The following CDK12 variants were observed in gnomAD, a reference collection of about 807,000 sequenced individuals.
CDK12 encodes cyclin dependent kinase 12, also known as cyclin-dependent kinase 12.
Under a neutral mutation model 133.8 loss-of-function variants are expected in CDK12, and 17 were observed. The ratio of observed to expected loss-of-function variants is 0.13; its 90% CI spans 0.09 to 0.19. The LOEUF (loss-of-function observed/expected upper bound fraction) is 0.19. Ranked by LOEUF, CDK12 falls within the 10% of genes least tolerant of loss-of-function variation. The pLI, the probability that CDK12 is intolerant of heterozygous loss-of-function variation, is 1.00. For synonymous variants in CDK12, 694 were observed against 683.6 expected, an observed-to-expected ratio of 1.02 and a Z score of -0.24; for missense variants, 1,508 against 1,818.7, an observed-to-expected ratio of 0.83 and a Z score of 3.11.
intron 2 of CDK12, among the ~76,000 whole-genome samples, chr17:39,553,200 C>T (rs2056023262): frequency 6.6e-6 from 1 of 152,102 alleles, no homozygotes; most frequent in Non-Finnish European, 1.5e-5. Context: ...GGATCTCTTT[C>T]CTCCTTCTCC....
upstream of CDK12, chr17:39,544,235 A>G: frequency 4.1e-6 from 2 of 483,882 alleles, no homozygotes; most frequent in South Asian, 1.5e-5. Context: ...GTAACCTGCC[A>G]TTTTCCTTTA....
downstream of CDK12, among the ~76,000 whole-genome samples, chr17:39,538,618 C>T (rs768638473): frequency 1.9e-4 from 29 of 152,060 alleles, no homozygotes; most frequent in Non-Finnish European, 3.4e-4. Flanking sequence ...ACCCCGGCTA[C>T]CTGGGAGCGG....
intron 1 of CDK12, among the ~76,000 whole-genome samples, chr17:39,467,133 C>G (rs1385798064): frequency 6.6e-6 from 1 of 152,046 alleles, no homozygotes; most frequent in East Asian, 1.9e-4. Context: ...CGCGCGTCAC[C>G]ATGCCCAGCT....
chr17:39,508,936 T>C (rs1567755103), intron 6 of CDK12, among the ~76,000 whole-genome samples: 1 of 145,700 alleles, frequency 6.9e-6, no homozygotes, highest in East Asian at 2.0e-4. Flanking sequence ...TCATCAAGGC[T>C]ACAGTGAGCC....
chr17:39,520,171 C>A (rs2146578260), intron 11 of CDK12, 84 bp downstream of exon 11: 1 of 1,400,410 alleles, frequency 7.1e-7, no homozygotes, highest in Non-Finnish European at 9.9e-7. Context: ...CCACAGATGC[C>A]CAGTAAGACC....
Position 39,501,343 on chromosome 17 carries a change from C to T in CDK12, c.2513C>T (p.Ser838Leu), listed in dbSNP as rs748453656. The change falls in exon 6 of 14, where the codon TCG (serine) becomes TTG (leucine). Residue 838 changes from serine to leucine, a missense_variant. This residue lies in a region of CDK12 where 21 missense variants were observed against 17.6 expected (regional missense o/e 1.19). Coordinates refer to ENST00000447079, the MANE Select transcript of CDK12 (RefSeq NM_016507.4). ...LVHFSEDHIK[S>L]FMKQLMEGLE... ...CACTTTTCTGAGGACCATATCAAGT[C>T]GTTCATGAAACAGCTAATGGAAGGA... 1.9e-6 allele frequency: 3 copies of T among 1,613,172 alleles called. No individual in the cohort carries two copies. Among genetic ancestry groups the T allele is most frequent in the Non-Finnish European group, 2.5e-6 (3 of 1,179,458 alleles).
chr17:39,462,842 C>T lies in CDK12; in HGVS notation c.771C>T (p.Ser257=), dbSNP rs2049046828. 1 of 1,614,162 alleles carries T rather than the reference C, an allele frequency of 6.2e-7. No individual in the cohort carries two copies. The highest frequency in any genetic ancestry group is 1.3e-5 in the African/African-American group (1 of 75,046). ...DLSPSRSHTS[S]NYDSYKKSPG... is the part of the protein sequence containing the mutation. ...GTCCCTCACGATCTCATACCTCGAG[C>T]AATTATGACTCCTACAAGAAAAGTC... The change falls in exon 1 of 14, where the codon AGC becomes AGT. Residue 257 remains serine (S), a synonymous_variant. Transcript: ENST00000447079.
intron 3 of CDK12, among the ~76,000 whole-genome samples, chr17:39,562,623 C>T (rs1384082041): frequency 2.6e-5 from 4 of 152,130 alleles, no homozygotes; most frequent in Non-Finnish European, 5.9e-5. Context: ...TAGTGCTAAA[C>T]TCATTTGCAC....
chr17:39,533,219 C>T lies in CDK12; in HGVS notation c.*1903C>T, dbSNP rs1271684588. On this transcript the variant is annotated 3_prime_UTR_variant, in exon 14 of 14. Transcript: ENST00000447079. ...TCTGGTTTTTGATCTGGCCTTGCCT[C>T]CAGGGCCAAACACTGATTTAGAAAG... 5 of 232,980 alleles carry T rather than the reference C, an allele frequency of 2.1e-5. No individual in the cohort carries two copies. The highest frequency in any genetic ancestry group is 1.1e-4 in the Admixed American group (2 of 17,766). 14.4% of individuals were successfully genotyped at this position (232,980 alleles called of 1,614,324 possible).
Position 39,492,814 on chromosome 17 carries a change from G to C in CDK12, c.2172G>C (p.Val724=). The change falls in exon 4 of 14, where the codon GTG becomes GTC. Residue 724 remains valine, a synonymous_variant. Transcript: ENST00000447079. Reference sequence around the variant, plus strand: ...AAAGCGACTGGGGGAAACGCTGTGTGGACAAGTTTGACATTATTGGGATTA... The same window carrying C: ...AAAGCGACTGGGGGAAACGCTGTGTCGACAAGTTTGACATTATTGGGATTA... ...QTESDWGKRC[V]DKFDIIGIIG... is the part of the protein sequence containing the mutation. 1.2e-6 allele frequency: 2 copies of C among 1,613,160 alleles called. No homozygotes were observed. Among genetic ancestry groups the C allele is most frequent in the Non-Finnish European group, 1.7e-6 (2 of 1,179,280 alleles).
intron 10 of CDK12, among the ~76,000 whole-genome samples, chr17:39,519,298 C>CTTTTTTTT (rs386386050): frequency 1.9e-5 from 1 of 53,976 alleles, no homozygotes; most frequent in African/African-American, 7.7e-5. Flanking sequence ...AATTCAAAGA[C>CTTTTTTTT]TTTTTTTTTT....
chr17:39,485,975 CAG>C (rs377441048), intron 2 of CDK12, among the ~76,000 whole-genome samples: 284 of 148,214 alleles, frequency 1.9e-3, no homozygotes, highest in African/African-American at 6.6e-3. Context: ...TTTTTTGAGA[CAG>C]AGTCTTGCTC....
At chr17:39,510,953 C>T (rs1345916716) in intron 7 of CDK12, among the ~76,000 whole-genome samples, 19 of 129,650 alleles carry the variant, frequency 1.5e-4, no homozygotes, top group Admixed American at 1.3e-3. Flanking sequence ...TGGTGGCTCA[C>T]GCCCGTAATC....
intron 6 of CDK12, among the ~76,000 whole-genome samples, chr17:39,505,685 G>T (rs997557707): frequency 1.3e-5 from 2 of 152,174 alleles, no homozygotes; most frequent in African/African-American, 4.8e-5. Context: ...GTTGAACAAC[G>T]CAGGTTTGAA....
At chr17:39,476,724 T>TCTTTTC (rs1567696921) in intron 2 of CDK12, among the ~76,000 whole-genome samples, 1 of 113,104 alleles carries the variant, frequency 8.8e-6, no homozygotes, top group African/African-American at 3.5e-5. Flanking sequence ...TTTTTTTTTT[T>TCTTTTC]TTTTTTTTTT....
At chr17:39,543,565 G>A (rs1480758589), upstream of CDK12, among the ~76,000 whole-genome samples, 1 of 152,206 alleles carries the variant, frequency 6.6e-6, no homozygotes, top group African/African-American at 2.4e-5. Context: ...CTAGGGGAGA[G>A]GTACTGGGGA....
At chr17:39,473,568 C>T (rs2049959468) in intron 2 of CDK12, among the ~76,000 whole-genome samples, 1 of 152,056 alleles carries the variant, frequency 6.6e-6, no homozygotes, top group South Asian at 2.1e-4. Context: ...CACGATGGAA[C>T]CCCATCTCTA....
intron 3 of CDK12, among the ~76,000 whole-genome samples, chr17:39,563,463 G>GC (rs59758254): frequency 0.23 from 7,342 of 31,712 alleles, 1,227 homozygotes; most frequent in Middle Eastern, 0.38. Context: ...CTTGCTTCCC[G>GC]CCCCCCCCCC....
chr17:39,527,708 C>T (rs1321386064), intron 13 of CDK12, among the ~76,000 whole-genome samples: 1 of 150,970 alleles, frequency 6.6e-6, no homozygotes, highest in Non-Finnish European at 1.5e-5. Flanking sequence ...CCTCCATGTC[C>T]AGCTAATTTT....
Sources: allele counts gnomAD v4.1 joint callset (sites outside exome capture counted in the v4.1 genomes callset), GRCh38; gene constraint gnomAD v4.1.1; regional missense constraint gnomAD v4.1.1; transcripts MANE v1.5; gene names NCBI Gene and HGNC (gene_info 2026-07-23, HGNC 2026-07-21).